EPAS1: variants seen among roughly 807,000 people sequenced by gnomAD.
EPAS1 encodes the protein endothelial PAS domain-containing protein 1.
Under a neutral mutation model 87.9 loss-of-function variants are expected in EPAS1, and 23 were observed. The ratio of observed to expected loss-of-function variants is 0.26; its 90% CI spans 0.19 to 0.37. The LOEUF (loss-of-function observed/expected upper bound fraction) is 0.37. EPAS1 is among the 10% of genes least tolerant of loss of function. The pLI is 1.00. For missense variants in EPAS1, 1,138 were observed against 1,120.7 expected (o/e 1.02, Z -0.22); for synonymous variants, 508 against 444.3 (o/e 1.14, Z -1.80).
chr2:46,334,864 C>T (rs1245595275), intron 1 of EPAS1, among the ~76,000 whole-genome samples: 1 of 152,122 alleles, frequency 6.6e-6, no homozygotes, highest in Non-Finnish European at 1.5e-5. Flanking sequence ...GAAATGTGCG[C>T]AGACATCTCA....
At chr2:46,320,508 TAGC>T (rs1196622401) in intron 1 of EPAS1, among the ~76,000 whole-genome samples, 1 of 152,244 alleles carries the variant, frequency 6.6e-6, no homozygotes, top group Non-Finnish European at 1.5e-5. Context: ...GCTTTTCTAA[TAGC>T]AGTTTGTGGG....
chr2:46,365,939 C>G (rs1427572321), intron 6 of EPAS1, among the ~76,000 whole-genome samples: 1 of 152,238 alleles, frequency 6.6e-6, no homozygotes, highest in Non-Finnish European at 1.5e-5. Flanking sequence ...CTTTGGAAAA[C>G]AAATAGGTGG....
intron 3 of EPAS1, 54 bp from the exon 4 acceptor site, chr2:46,356,670 A>C: frequency 7.2e-7 from 1 of 1,385,154 alleles, no homozygotes. Flanking sequence ...TTACTCTTGG[A>C]GTCTTTTACT....
chr2:46,363,068 T>A (rs1052700646), intron 6 of EPAS1, among the ~76,000 whole-genome samples: 1 of 152,024 alleles, frequency 6.6e-6, no homozygotes, highest in East Asian at 1.9e-4. Context: ...TGACAGGCAC[T>A]GCAGGAATCC....
intron 1 of EPAS1, among the ~76,000 whole-genome samples, chr2:46,319,416 T>G (rs1683410580): frequency 6.6e-6 from 1 of 152,264 alleles, no homozygotes; most frequent in Non-Finnish European, 1.5e-5. Flanking sequence ...ACACAATCTA[T>G]ATCTTTAAAA....
intron 1 of EPAS1, among the ~76,000 whole-genome samples, chr2:46,313,692 C>G (rs1381141557): frequency 6.6e-6 from 1 of 152,184 alleles, no homozygotes; most frequent in Non-Finnish European, 1.5e-5. Context: ...CTCAGGTGAT[C>G]TGCCCGCCTT....
chr2:46,350,461 G>C (rs1309754513), intron 2 of EPAS1, among the ~76,000 whole-genome samples: 1 of 152,226 alleles, frequency 6.6e-6, no homozygotes, highest in Non-Finnish European at 1.5e-5. Context: ...AAACCTCAAC[G>C]TTGAGAAATT....
At chr2:46,376,778 G>A in intron 9 of EPAS1, 25 bp downstream of exon 9, 1 of 1,610,812 alleles carries the variant, frequency 6.2e-7, no homozygotes, top group Non-Finnish European at 8.5e-7. Flanking sequence ...GCTAAGCCAG[G>A]CCCCTGGAAC....
chr2:46,331,597 C>T (rs535279410), intron 1 of EPAS1, among the ~76,000 whole-genome samples: 3 of 152,264 alleles, frequency 2.0e-5, no homozygotes, highest in South Asian at 4.2e-4. Flanking sequence ...GGCCATCAGA[C>T]GTCACTCCAA....
intron 1 of EPAS1, among the ~76,000 whole-genome samples, chr2:46,342,105 A>T (rs927563732): frequency 1.4e-4 from 22 of 152,036 alleles, no homozygotes; most frequent in Non-Finnish European, 3.1e-4. Flanking sequence ...TGCACCTGAG[A>T]CCTATTAAAT....
rs886056094 is a variant in EPAS1, at chr2:46,385,334, A to AT, written c.*680dup. On this transcript the variant is annotated 3_prime_UTR_variant, in exon 16 of 16. Coordinates refer to ENST00000263734, the MANE Select transcript of EPAS1 (RefSeq NM_001430.5). ...GGTGTTTTTCCCCCGCATTTGGTGG[A>AT]TTTTTTATTATTATTCAAAAACATA... 10 of 152,428 alleles carry AT rather than the reference A, an allele frequency of 6.6e-5. No individual in the cohort carries two copies. The highest frequency in any genetic ancestry group is 1.5e-4 in the Non-Finnish European group (10 of 68,054). The allele number at this position is 152,428 out of a possible 1,614,324, so 9.4% of individuals were successfully genotyped here.
chr2:46,341,580 T>C (rs907910111), intron 1 of EPAS1, among the ~76,000 whole-genome samples: 1 of 152,230 alleles, frequency 6.6e-6, no homozygotes, highest in African/African-American at 2.4e-5. Flanking sequence ...TCACACCAAC[T>C]CCTAGATAAA....
intron 1 of EPAS1, among the ~76,000 whole-genome samples, chr2:46,309,193 C>T (rs1038857694): frequency 1.3e-5 from 2 of 152,196 alleles, no homozygotes; most frequent in Admixed American, 6.5e-5. Context: ...CCTAACTTAT[C>T]CTCATTGCTT....
rs753774102 is a variant in EPAS1 at position 46,347,073 on chromosome 2, G to A, written c.217+10G>A. On this transcript the variant is annotated intron_variant, in intron 2 of 15. Coordinates refer to ENST00000263734, the MANE Select transcript of EPAS1 (RefSeq NM_001430.5). This position sits in a 1 kb window ranked among gnomAD's most constrained non-coding sequence, Gnocchi z 4.2. ...AAGCTCCTCTCCTCAGGTAAGGCCAGCAGGCTCCCCTAGGCTGGGCAGATG... is the reference window on the plus strand; with the variant it reads ...AAGCTCCTCTCCTCAGGTAAGGCCAACAGGCTCCCCTAGGCTGGGCAGATG... The A allele has an allele frequency of 1.2e-6, 2 of 1,614,170 alleles. No individual in the cohort carries two copies. The highest frequency in any genetic ancestry group is 8.5e-7 in the Non-Finnish European group (1 of 1,180,008).
intron 7 of EPAS1, among the ~76,000 whole-genome samples, chr2:46,374,381 T>C (rs555737376): frequency 6.6e-6 from 1 of 152,158 alleles, no homozygotes; most frequent in South Asian, 2.1e-4. Flanking sequence ...TGTATTAGTA[T>C]CTCTAAGAAA....
chr2:46,378,468 G>A (rs1168266478), intron 10 of EPAS1, among the ~76,000 whole-genome samples, 189 bp from the exon 11 acceptor site: 1 of 152,210 alleles, frequency 6.6e-6, no homozygotes, highest in Non-Finnish European at 1.5e-5. Flanking sequence ...GAGGAGACTG[G>A]AATTTAGAGA....
chr2:46,332,359 T>C (rs1484798461), intron 1 of EPAS1, among the ~76,000 whole-genome samples: 1 of 149,062 alleles, frequency 6.7e-6, no homozygotes, highest in African/African-American at 2.5e-5. Context: ...CTTTGGCTGC[T>C]GGGCTGGATA....
intron 1 of EPAS1, among the ~76,000 whole-genome samples, chr2:46,307,218 C>G (rs558778789): frequency 6.6e-6 from 1 of 152,294 alleles, no homozygotes; most frequent in Admixed American, 6.5e-5. Context: ...AATTTTGGTG[C>G]CTTGGTGCCC....
At chr2:46,333,095 G>A (rs913076427) in intron 1 of EPAS1, among the ~76,000 whole-genome samples, 1 of 152,194 alleles carries the variant, frequency 6.6e-6, no homozygotes, top group African/African-American at 2.4e-5. Flanking sequence ...ACAGTGAGGA[G>A]TCATGGGGTG....
Sources: allele counts gnomAD v4.1 joint callset (sites outside exome capture counted in the v4.1 genomes callset), GRCh38; gene constraint gnomAD v4.1.1; non-coding constraint Gnocchi (gnomAD v3.1); transcripts MANE v1.5; gene names NCBI Gene and HGNC (gene_info 2026-07-23, HGNC 2026-07-21).